The following CFAP97D2 variants were observed in gnomAD, a reference collection of about 807,000 sequenced individuals.
The protein encoded by CFAP97D2 is uncharacterized protein CFAP97D2.
At chr13:114,179,294 C>T (rs757994943), upstream of CFAP97D2, 4 of 398,588 alleles carry the variant, frequency 1.0e-5, no homozygotes, top group Non-Finnish European at 1.8e-5. This position sits in a 1 kb window ranked among gnomAD's most constrained non-coding sequence, Gnocchi z 4.8. Flanking sequence ...CCAGCTGCTC[C>T]TCTGTCTGGA....
At chr13:114,194,056 C>T (rs948320988) in intron 1 of CFAP97D2, among the ~76,000 whole-genome samples, 1 of 152,234 alleles carries the variant, frequency 6.6e-6, no homozygotes, top group Non-Finnish European at 1.5e-5. Context: ...AACCAACTCA[C>T]TATTTTGAAA....
intron 3 of CFAP97D2, among the ~76,000 whole-genome samples, chr13:114,209,503 A>T (rs553534693): frequency 3.0e-4 from 46 of 152,342 alleles, no homozygotes; most frequent in African/African-American, 1.1e-3. Context: ...GTGTTCGTGT[A>T]GGCCTAGCTC....
intron 3 of CFAP97D2, among the ~76,000 whole-genome samples, chr13:114,206,339 A>T (rs1385960613): frequency 6.6e-6 from 1 of 151,832 alleles, no homozygotes; most frequent in African/African-American, 2.4e-5. Flanking sequence ...TTGACCTCAG[A>T]TGATCTGCCC....
chr13:114,191,864 G>A (rs1373292510), intron 1 of CFAP97D2, among the ~76,000 whole-genome samples: 1 of 151,988 alleles, frequency 6.6e-6, no homozygotes, highest in East Asian at 1.9e-4. Flanking sequence ...AATAAACCAC[G>A]GTACACCCAG....
In CFAP97D2 at chr13:114,187,759, T is replaced by C. The variant is rs2080856770; in HGVS notation, c.90+8339T>C. Among the ~76,000 whole-genome samples the C allele has an allele frequency of 6.6e-6, 1 of 152,190 alleles. No individual in the cohort carries two copies. The highest frequency in any genetic ancestry group is 2.1e-4 in the South Asian group (1 of 4,834). On this transcript the variant is annotated intron_variant, in intron 1 of 4. Coordinates refer to ENST00000646158, the Ensembl canonical transcript of CFAP97D2. The surrounding 1 kb of genome is among the most constrained non-coding windows in gnomAD (Gnocchi z 4.2). ...ATCAATCAACTAGATATAATTGATA[T>C]CTATCATCCAATTCATCCAGCAACA...
chr13:114,204,762 G>A (rs1187827796), intron 3 of CFAP97D2, among the ~76,000 whole-genome samples: 3 of 152,188 alleles, frequency 2.0e-5, no homozygotes, highest in Non-Finnish European at 4.4e-5. Context: ...CGTGACTTCA[G>A]ATTTGGCAAT....
rs1462536264 is a variant in CFAP97D2 at position 114,185,911 on chromosome 13, C to A, written c.90+6491C>A. On this transcript the variant is annotated intron_variant, in intron 1 of 4. Coordinates refer to ENST00000646158, the Ensembl canonical transcript of CFAP97D2. This position sits in a 1 kb window ranked among gnomAD's most constrained non-coding sequence, Gnocchi z 5.2. ...AGACGGACTCCTGGGCAGAAGGGGT[C>A]AGGTTCCTGGTGAAGCCCCACCTTC... 6.6e-6 allele frequency among the ~76,000 whole-genome samples: 1 copy of A among 152,222 alleles called. No individual in the cohort carries two copies. The highest frequency in any genetic ancestry group is 1.5e-5 in the Non-Finnish European group (1 of 68,028).
At chr13:114,214,145 T>A (rs976777007) in intron 4 of CFAP97D2, 2 of 152,532 alleles carry the variant, frequency 1.3e-5, no homozygotes, top group African/African-American at 4.8e-5. Context: ...CCTCATTGCC[T>A]TGCCCCCTGC....
chr13:114,192,278 C>T (rs2080872548), intron 1 of CFAP97D2, among the ~76,000 whole-genome samples: 2 of 152,028 alleles, frequency 1.3e-5, no homozygotes, highest in Non-Finnish European at 2.9e-5. Context: ...AACAAACATA[C>T]CACTCTGGAG....
rs531382202 is a variant in CFAP97D2, at chr13:114,206,447, G to A, written c.291-5465G>A. On this transcript the variant is annotated intron_variant, in intron 3 of 4. Transcript: ENST00000646158. Reference sequence around the variant, plus strand: ...ATGTTTCTTCTTAGGACCATACAGCGGAGACTTTGAACCCTAACCCTAACC... The same window carrying A: ...ATGTTTCTTCTTAGGACCATACAGCAGAGACTTTGAACCCTAACCCTAACC... Among the ~76,000 whole-genome samples, 24 of 152,220 alleles carry A rather than the reference G, an allele frequency of 1.6e-4. No homozygotes were observed. In the South Asian group the frequency reaches 2.9e-3, roughly 18 times the overall value.
Position 114,207,443 on chromosome 13 carries a change from C to T in CFAP97D2, c.291-4469C>T, listed in dbSNP as rs567970174. 1.6e-4 allele frequency among the ~76,000 whole-genome samples: 24 copies of T among 152,052 alleles called. No homozygotes were observed. The highest frequency in any genetic ancestry group is 2.8e-4 in the Non-Finnish European group (19 of 68,012). On this transcript the variant is annotated intron_variant, in intron 3 of 4. Coordinates refer to ENST00000646158, the Ensembl canonical transcript of CFAP97D2. The surrounding 1 kb of genome is among the most constrained non-coding windows in gnomAD (Gnocchi z 4.9). ...CAACTAGATGGTCCCATCTAGGGAT[C>T]GTGTGGAGACAGTGACAGATCATCA...
At chr13:114,197,950 G>A (rs530358864) in intron 2 of CFAP97D2, among the ~76,000 whole-genome samples, 1 of 152,116 alleles carries the variant, frequency 6.6e-6, no homozygotes, top group Non-Finnish European at 1.5e-5. Flanking sequence ...CTCCTGAAAT[G>A]CTGGGATTAC....
intron 4 of CFAP97D2, among the ~76,000 whole-genome samples, chr13:114,221,178 C>T (rs1594524603): frequency 2.0e-5 from 3 of 152,152 alleles, no homozygotes; most frequent in South Asian, 2.1e-4. Flanking sequence ...ACCAGGGAGG[C>T]GGAGGTTGCA....
At chr13:114,183,416 C>G (rs1400813678) in intron 1 of CFAP97D2, among the ~76,000 whole-genome samples, 8 of 152,096 alleles carry the variant, frequency 5.3e-5, no homozygotes, top group Non-Finnish European at 8.8e-5. Context: ...GATTAGCCTG[C>G]CTCGACCTCC....
chr13:114,180,921 G>A (rs1315084480), intron 1 of CFAP97D2, among the ~76,000 whole-genome samples: 4 of 152,226 alleles, frequency 2.6e-5, no homozygotes, highest in Admixed American at 2.0e-4. Context: ...GTCGTCATGG[G>A]AGGTGCAGAG....
At chr13:114,219,923 C>T (rs961382538) in intron 4 of CFAP97D2, among the ~76,000 whole-genome samples, 3 of 151,942 alleles carry the variant, frequency 2.0e-5, no homozygotes, top group African/African-American at 4.8e-5. Context: ...GTCCCCTTCT[C>T]TGCCATGGGG....
chr13:114,195,937 G>T (rs1430315956), intron 1 of CFAP97D2, among the ~76,000 whole-genome samples: 2 of 149,410 alleles, frequency 1.3e-5, no homozygotes, highest in Non-Finnish European at 3.0e-5. Context: ...AAAAAAACTA[G>T]CTGGGCATGG....
At chr13:114,221,169 C>T (rs1474678238) in intron 4 of CFAP97D2, among the ~76,000 whole-genome samples, 1 of 152,210 alleles carries the variant, frequency 6.6e-6, no homozygotes, top group Non-Finnish European at 1.5e-5. Context: ...ATCGCTTGAA[C>T]CAGGGAGGCG....
At chr13:114,212,631 C>T (rs966150184) in intron 4 of CFAP97D2, among the ~76,000 whole-genome samples, 1 of 152,076 alleles carries the variant, frequency 6.6e-6, no homozygotes, top group Non-Finnish European at 1.5e-5. Context: ...GGGTGGATAA[C>T]GATGTCAGGA....
Sources: gnomAD v4.1 joint callset for allele counts (sites outside exome capture counted in the v4.1 genomes callset) on GRCh38, gnomAD v4.1.1 for gene constraint, Gnocchi (gnomAD v3.1) non-coding constraint, MANE v1.5 for transcripts, NCBI Gene and HGNC (gene_info 2026-07-23, HGNC 2026-07-21) for gene names.